Variants in INTS6 observed in about 807,000 individuals in gnomAD.
INTS6 encodes the protein DEAD box protein.
Under a neutral mutation model 104.9 loss-of-function variants are expected in INTS6, and 16 were observed. That is an observed-to-expected ratio of 0.15 (90% CI 0.10 to 0.23). INTS6 has a LOEUF of 0.23. INTS6 is among the 10% of genes least tolerant of loss of function. The pLI is 1.00. For missense variants in INTS6, 584 were observed against 1,062.8 expected (o/e 0.55, Z 6.26); for synonymous variants, 324 against 358.7 (o/e 0.90, Z 1.09).
chr13:51,416,819 T>C (rs1392683471), intron 4 of INTS6, among the ~76,000 whole-genome samples: 2 of 152,210 alleles, frequency 1.3e-5, no homozygotes, highest in Non-Finnish European at 2.9e-5. Context: ...CCAAAGCAGC[T>C]GCATCATTTT....
rs968046648 is a variant in INTS6 at position 51,363,498 on chromosome 13, G to T, written c.*2254C>A. On this transcript the variant is annotated 3_prime_UTR_variant, in exon 18 of 18. Coordinates refer to ENST00000311234, the MANE Select transcript of INTS6 (RefSeq NM_012141.3). ...ATCAATCAGCAAATGAGAAACATGG[G>T]AGACATTAAAAAAAAAGATTTGAAA... 6.6e-6 allele frequency: 1 copy of T among 151,590 alleles called. No individual in the cohort carries two copies. The highest frequency in any genetic ancestry group is 1.5e-5 in the Non-Finnish European group (1 of 67,822). The allele number at this position is 151,590 out of a possible 1,614,324, so 9.4% of individuals were successfully genotyped here. A position where few individuals can be genotyped will look rare whatever the true frequency, so the allele number is the denominator to read the frequency against.
intron 5 of INTS6, among the ~76,000 whole-genome samples, chr13:51,390,174 C>A (rs900307687): frequency 8.6e-5 from 13 of 151,968 alleles, no homozygotes; most frequent in Middle Eastern, 3.4e-3. Context: ...AATATCTAGA[C>A]CTTTGCTATA....
chr13:51,381,348 C>T (rs1420803776), intron 10 of INTS6, among the ~76,000 whole-genome samples: 2 of 152,152 alleles, frequency 1.3e-5, no homozygotes, highest in Non-Finnish European at 2.9e-5. Context: ...TTTCAGGCTC[C>T]TCATCCCCTC....
At chr13:51,431,773 T>C (rs1957095223) in intron 3 of INTS6, among the ~76,000 whole-genome samples, 2 of 152,128 alleles carry the variant, frequency 1.3e-5, no homozygotes, top group Non-Finnish European at 2.9e-5. Context: ...TTAAATAAAC[T>C]TAAAATATGT....
chr13:51,430,218 G>A, intron 4 of INTS6, 76 bp downstream of exon 4: 1 of 1,185,180 alleles, frequency 8.4e-7, no homozygotes, highest in South Asian at 1.3e-5. Flanking sequence ...ACCTATTAAA[G>A]GTGTTCAGTA....
intron 3 of INTS6, among the ~76,000 whole-genome samples, chr13:51,355,583 C>G (rs938057018): frequency 6.6e-6 from 1 of 152,024 alleles, no homozygotes; most frequent in East Asian, 1.9e-4. Context: ...AGTCTTGAAA[C>G]CTTCCCTCAT....
At chr13:51,352,674 G>C (rs2137797666), downstream of INTS6, among the ~76,000 whole-genome samples, 1 of 152,114 alleles carries the variant, frequency 6.6e-6, no homozygotes, top group East Asian at 1.9e-4. Flanking sequence ...TGATCTTAGG[G>C]GGAAAGTTTT....
chr13:51,389,235 G>T, intron 6 of INTS6, 84 bp downstream of exon 6: 2 of 1,474,872 alleles, frequency 1.4e-6, no homozygotes, highest in Non-Finnish European at 9.1e-7. Flanking sequence ...CCTATCTTAA[G>T]GCCAAATCAC....
chr13:51,416,399 CT>C lies in INTS6; in HGVS notation c.429+13894del, dbSNP rs536771798. Among the ~76,000 whole-genome samples, 9 of 152,336 alleles carry C rather than the reference CT, an allele frequency of 5.9e-5. No individual in the cohort carries two copies. The East Asian group carries it at 1.7e-3, about 29-fold the overall frequency. ...CTTCTATATACATTAGCATCCTACC[CT>C]TATCCCAAGCCTCTGGCAACCACTT... On this transcript the variant is annotated intron_variant, in intron 4 of 17. Coordinates refer to ENST00000311234, the MANE Select transcript of INTS6 (RefSeq NM_012141.3).
chr13:51,396,291 C>CT (rs754171120), intron 4 of INTS6, among the ~76,000 whole-genome samples: 3 of 152,096 alleles, frequency 2.0e-5, no homozygotes, highest in Non-Finnish European at 4.4e-5. Context: ...TTTTGTCACT[C>CT]TAATTACATT....
intron 4 of INTS6, among the ~76,000 whole-genome samples, chr13:51,408,709 C>T (rs1255953084): frequency 6.6e-6 from 1 of 152,056 alleles, no homozygotes; most frequent in Non-Finnish European, 1.5e-5. Context: ...AACTTAAAGA[C>T]CTTTTGACCA....
At chr13:51,388,373 GT>G (rs59966165) in intron 6 of INTS6, among the ~76,000 whole-genome samples, 9 of 147,960 alleles carry the variant, frequency 6.1e-5, no homozygotes, top group Admixed American at 2.0e-4. Flanking sequence ...TGTGTGTTTT[GT>G]TTTTTTTTGT....
chr13:51,365,789 C>G lies in INTS6; in HGVS notation c.2627G>C (p.Arg876Pro), dbSNP rs369926922. 6.2e-7 allele frequency: 1 copy of G among 1,601,294 alleles called. No individual in the cohort carries two copies. The change falls in exon 18 of 18, where the codon CGA (arginine) becomes CCA (proline). Residue 876 changes from arginine to proline, a missense_variant. Physicochemically the swap from Arg to Pro is moderately radical, Grantham distance 103 (BLOSUM62 -2). Around this residue, in one of 5 missense-constraint regions of INTS6, gnomAD observed 296 missense variants for 437.0 expected, o/e 0.68. Transcript: ENST00000311234. ...QLENFLDEIH[R>P]RANQINHINS... ...AATATGGTTGATCTGATTGGCTCTT[C>G]GATGAATTTCATCCAAGAAGTTCTC...
chr13:51,346,579 C>T, the INTS6 span, among the ~76,000 whole-genome samples: 2 of 152,200 alleles, frequency 1.3e-5, no homozygotes, highest in Non-Finnish European at 2.9e-5. Context: ...TCACTGCCCC[C>T]ACCTCCCCTG....
At chr13:51,374,117 C>CAA (rs781368076) in intron 15 of INTS6, 91 bp downstream of exon 15, 1 of 1,003,990 alleles carries the variant, frequency 1.0e-6, no homozygotes, top group Non-Finnish European at 1.5e-6. Flanking sequence ...TACTACTAAT[C>CAA]AATTTCCTTC....
intron 3 of INTS6, chr13:51,436,451 C>T (rs749949877): frequency 2.0e-5 from 3 of 152,182 alleles, no homozygotes; most frequent in Non-Finnish European, 4.4e-5. Flanking sequence ...TATTCAACCA[C>T]GTAATTCCTT....
chr13:51,395,457 C>A lies in INTS6; in HGVS notation c.456G>T (p.Leu152Phe). The A allele has an allele frequency of 6.2e-7, 1 of 1,612,246 alleles. No homozygotes were observed. Among genetic ancestry groups the A allele is most frequent in the Non-Finnish European group, 8.5e-7 (1 of 1,179,336 alleles). ...DELHLPLNSP[L>F]PGSELTKEPF... is the part of the protein sequence containing the mutation. Reference sequence around the variant, plus strand: ...GTTCCTTGGTCAATTCACTTCCAGGCAAAGGAGAATTAAGAGGTAAATGAA... The same window carrying A: ...GTTCCTTGGTCAATTCACTTCCAGGAAAAGGAGAATTAAGAGGTAAATGAA... The change falls in exon 5 of 18, where the codon TTG (leucine) becomes TTT (phenylalanine). Residue 152 changes from leucine (L) to phenylalanine (F), a missense_variant. Leu to Phe is a conservative substitution (Grantham distance 22). This residue lies in a region of INTS6 where 70 missense variants were observed against 190.3 expected (regional missense o/e 0.37). Coordinates refer to ENST00000311234, the MANE Select transcript of INTS6 (RefSeq NM_012141.3).
downstream of INTS6, among the ~76,000 whole-genome samples, chr13:51,360,697 A>C (rs2137825348): frequency 6.6e-6 from 1 of 152,072 alleles, no homozygotes; most frequent in East Asian, 1.9e-4. Context: ...TGATACACCT[A>C]AGTATACAGA....
the INTS6 span, among the ~76,000 whole-genome samples, chr13:51,342,066 A>T: frequency 6.6e-6 from 1 of 152,116 alleles, no homozygotes; most frequent in Non-Finnish European, 1.5e-5. Context: ...TCAGTGCCTC[A>T]GCTCAATGCC....
Sources: gnomAD v4.1 joint callset for allele counts (sites outside exome capture counted in the v4.1 genomes callset) on GRCh38, gnomAD v4.1.1 for gene constraint, gnomAD v4.1.1 regional missense constraint, MANE v1.5 for transcripts, NCBI Gene and HGNC (gene_info 2026-07-23, HGNC 2026-07-21) for gene names.